Variants in CAMTA1 observed in about 807,000 individuals in gnomAD.
The protein encoded by CAMTA1 is calmodulin binding transcription activator 1.
CAMTA1 carries 27 observed loss-of-function variants against 170.9 expected under a neutral mutation model. The observed-to-expected ratio is 0.16, with a 90% CI of 0.12 to 0.22. The LOEUF is 0.22. CAMTA1 is among the 10% of genes least tolerant of loss of function. The pLI is 1.00. For missense variants in CAMTA1, 1,619 were observed against 2,217.2 expected, an observed-to-expected ratio of 0.73 and a Z score of 5.42; for synonymous variants, 833 against 891.5, an observed-to-expected ratio of 0.93 and a Z score of 1.17.
intron 4 of CAMTA1, among the ~76,000 whole-genome samples, chr1:7,116,511 A>G (rs554398130): frequency 2.6e-4 from 39 of 152,348 alleles, no homozygotes; most frequent in African/African-American, 9.1e-4. Flanking sequence ...AAGCAATCAG[A>G]GAATAGAATC....
chr1:7,002,967 GGAACATGGTAAA>G (rs140271824), intron 3 of CAMTA1, among the ~76,000 whole-genome samples: 3,383 of 152,314 alleles, frequency 0.022, 118 homozygotes, highest in African/African-American at 0.078. Flanking sequence ...ACTCCTTGAA[GGAACATGGTAAA>G]GAGCATGGTA....
chr1:7,517,604 A>G (rs1463967100), intron 6 of CAMTA1, among the ~76,000 whole-genome samples: 1 of 150,324 alleles, frequency 6.7e-6, no homozygotes, highest in Non-Finnish European at 1.5e-5. Context: ...TAAAACAGAT[A>G]TGAAGTCTCA....
chr1:7,357,546 T>C (rs1343203246), intron 5 of CAMTA1, among the ~76,000 whole-genome samples: 2 of 152,190 alleles, frequency 1.3e-5, no homozygotes, highest in Non-Finnish European at 2.9e-5. Context: ...CATTCTTTCA[T>C]TTAATACATG....
chr1:6,938,473 C>T (rs917358991), intron 3 of CAMTA1, among the ~76,000 whole-genome samples: 2 of 152,096 alleles, frequency 1.3e-5, no homozygotes, highest in African/African-American at 2.4e-5. Flanking sequence ...CCTGGGGCCA[C>T]GGCAGCAGGG....
chr1:7,715,062 A>G (rs753710261), intron 11 of CAMTA1, among the ~76,000 whole-genome samples: 1 of 152,148 alleles, frequency 6.6e-6, no homozygotes, highest in Non-Finnish European at 1.5e-5. Flanking sequence ...CTGTAACATC[A>G]TGAGTCCTGA....
intron 12 of CAMTA1, among the ~76,000 whole-genome samples, chr1:7,733,653 TC>T (rs1221389522): frequency 6.9e-6 from 1 of 145,898 alleles, no homozygotes; most frequent in Admixed American, 7.2e-5. Context: ...ATTTCTTATC[TC>T]CACTACTCAG....
At chr1:7,156,271 A>G (rs947684108) in intron 4 of CAMTA1, among the ~76,000 whole-genome samples, 1 of 125,670 alleles carries the variant, frequency 8.0e-6, no homozygotes, top group Admixed American at 8.2e-5. Context: ...TGAAAACTCC[A>G]CCTCAAAAAA....
intron 6 of CAMTA1, among the ~76,000 whole-genome samples, chr1:7,525,713 C>G (rs1464635703): frequency 6.6e-6 from 1 of 152,126 alleles, no homozygotes; most frequent in Non-Finnish European, 1.5e-5. Flanking sequence ...TCTGTGAAAC[C>G]ACCCCTGCAC....
At chr1:7,418,300 A>T (rs538038255) in intron 5 of CAMTA1, among the ~76,000 whole-genome samples, 1 of 152,240 alleles carries the variant, frequency 6.6e-6, no homozygotes, top group Admixed American at 6.5e-5. Context: ...GGTTCAAGTG[A>T]TTCTTCTGCC....
intron 6 of CAMTA1, among the ~76,000 whole-genome samples, chr1:7,606,200 C>A (rs1298289271): frequency 5.9e-5 from 9 of 152,224 alleles, no homozygotes; most frequent in Admixed American, 5.2e-4. Flanking sequence ...ACTCTCAGCA[C>A]CTTCTTCCCA....
chr1:6,797,165 G>A (rs1473690116), intron 1 of CAMTA1, among the ~76,000 whole-genome samples: 1 of 152,028 alleles, frequency 6.6e-6, no homozygotes, highest in African/African-American at 2.4e-5. Flanking sequence ...CACTTCTCGG[G>A]CCTAAGCAGT....
intron 1 of CAMTA1, among the ~76,000 whole-genome samples, chr1:6,788,236 A>G (rs1025001830): frequency 3.6e-5 from 5 of 140,630 alleles, no homozygotes; most frequent in African/African-American, 1.3e-4. Flanking sequence ...GTCACTCAGC[A>G]GGGAAGTCTT....
rs1575555128 is a variant in CAMTA1, at chr1:7,483,283, G to A, written c.510+15382G>A. Among the ~76,000 whole-genome samples the A allele has an allele frequency of 2.6e-5, 4 of 152,324 alleles. 1 individual carries two copies. The highest frequency in any genetic ancestry group is 2.6e-4 in the Admixed American group (4 of 15,306). ...AAATCAGGAGTCCTGCTTCAGCCAC[G>A]AGAAGTTTAAGATGCAAATTCTGCA... On this transcript the variant is annotated intron_variant, in intron 6 of 22. Coordinates refer to ENST00000303635, the MANE Select transcript of CAMTA1 (RefSeq NM_015215.4).
intron 3 of CAMTA1, among the ~76,000 whole-genome samples, chr1:6,958,088 C>T (rs1689766600): frequency 6.6e-6 from 1 of 152,124 alleles, no homozygotes; most frequent in Non-Finnish European, 1.5e-5. Context: ...GTGGACATAC[C>T]CCATGGCTTC....
At chr1:7,192,948 G>T (rs937358950) in intron 4 of CAMTA1, among the ~76,000 whole-genome samples, 13 of 152,186 alleles carry the variant, frequency 8.5e-5, no homozygotes, top group African/African-American at 3.1e-4. Flanking sequence ...GCTTCATTAT[G>T]CAGAGAGCTT....
chr1:6,786,741 G>T (rs1439647832), intron 1 of CAMTA1, among the ~76,000 whole-genome samples: 1 of 152,092 alleles, frequency 6.6e-6, no homozygotes, highest in Non-Finnish European at 1.5e-5. Context: ...CGCCATTTGT[G>T]TGTCTACACT....
At chr1:7,097,016 C>T (rs1642165800) in intron 4 of CAMTA1, among the ~76,000 whole-genome samples, 1 of 152,228 alleles carries the variant, frequency 6.6e-6, no homozygotes, top group Non-Finnish European at 1.5e-5. Context: ...TTGTCCCCCA[C>T]TTTGGCCTTC....
chr1:7,230,222 C>T (rs1662482406), intron 4 of CAMTA1, among the ~76,000 whole-genome samples: 1 of 152,164 alleles, frequency 6.6e-6, no homozygotes, highest in African/African-American at 2.4e-5. Context: ...TTTTGGTTGC[C>T]AGCGCCCTCC....
intron 4 of CAMTA1, among the ~76,000 whole-genome samples, chr1:7,214,908 T>C (rs1659488114): frequency 6.6e-6 from 1 of 151,978 alleles, no homozygotes; most frequent in South Asian, 2.1e-4. Context: ...ACACCAATTG[T>C]TGAAAAGGCT....
Sources: gnomAD v4.1 joint callset for allele counts (sites outside exome capture counted in the v4.1 genomes callset) on GRCh38, gnomAD v4.1.1 for gene constraint, MANE v1.5 for transcripts, NCBI Gene and HGNC (gene_info 2026-07-23, HGNC 2026-07-21) for gene names.